STMN2: variants seen among roughly 807,000 people sequenced by gnomAD.
STMN2 encodes the protein stathmin 2.
Under a neutral mutation model 24.1 loss-of-function variants are expected in STMN2, and 2 were observed. That is an observed-to-expected ratio of 0.08 (90% CI 0.03 to 0.26). STMN2 has a LOEUF of 0.26. Ranked by LOEUF, STMN2 falls within the 10% of genes least tolerant of loss-of-function variation. The pLI is 1.00. For missense variants in STMN2, 114 were observed against 213.6 expected (o/e 0.53, Z 2.91); for synonymous variants, 83 against 77.5 (o/e 1.07, Z -0.37).
chr8:79,650,644 A>T (rs1810315164), intron 3 of STMN2, among the ~76,000 whole-genome samples: 1 of 152,244 alleles, frequency 6.6e-6, no homozygotes, highest in Non-Finnish European at 1.5e-5. Context: ...AGTTATGGGC[A>T]GCAATATCTA....
rs754095088 is a variant in STMN2 at position 79,624,242 on chromosome 8, C to CAGG, written c.20-12557_20-12555dup. Reference sequence around the variant, plus strand: ...GGCCGAGGCGGGCGGATCACGAGGTCAGGAGATCGAGACCATCCTGGCTAA... The same window carrying CAGG: ...GGCCGAGGCGGGCGGATCACGAGGTCAGGAGGAGATCGAGACCATCCTGGCTAA... On this transcript the variant is annotated intron_variant, in intron 1 of 4. Coordinates refer to ENST00000220876, the MANE Select transcript of STMN2 (RefSeq NM_007029.4). Among the ~76,000 whole-genome samples, 62 of 151,964 alleles carry CAGG rather than the reference C, an allele frequency of 4.1e-4. 1 individual carries two copies. The highest frequency in any genetic ancestry group is 2.5e-3 in the South Asian group (12 of 4,812).
At chr8:79,643,941 G>A (rs373972811) in intron 3 of STMN2, among the ~76,000 whole-genome samples, 3 of 151,074 alleles carry the variant, frequency 2.0e-5, no homozygotes, top group East Asian at 2.0e-4. Flanking sequence ...CCTAGTGGTC[G>A]GGTTTTATTT....
chr8:79,617,717 A>G (rs1355220313), intron 1 of STMN2, among the ~76,000 whole-genome samples: 1 of 152,254 alleles, frequency 6.6e-6, no homozygotes, highest in Non-Finnish European at 1.5e-5. Context: ...GCCTCGAGCC[A>G]ATAAGTCTTC....
At chr8:79,653,285 G>A (rs1380917759) in intron 3 of STMN2, among the ~76,000 whole-genome samples, 2 of 152,148 alleles carry the variant, frequency 1.3e-5, no homozygotes, top group East Asian at 1.9e-4. Context: ...GCTGAGACAT[G>A]AGAATCGCTT....
At chr8:79,640,308 T>C (rs553051743) in intron 2 of STMN2, among the ~76,000 whole-genome samples, 7 of 152,318 alleles carry the variant, frequency 4.6e-5, no homozygotes, top group African/African-American at 1.2e-4. Flanking sequence ...AATTCTACTC[T>C]GCTTCCGTGA....
intron 2 of STMN2, among the ~76,000 whole-genome samples, chr8:79,637,395 G>A (rs1263471817): frequency 6.6e-6 from 1 of 152,062 alleles, no homozygotes; most frequent in Non-Finnish European, 1.5e-5. Context: ...TTACGACTGA[G>A]GCCCTAGATA....
At chr8:79,625,041 G>A (rs1284785960) in intron 1 of STMN2, among the ~76,000 whole-genome samples, 1 of 152,162 alleles carries the variant, frequency 6.6e-6, no homozygotes, top group African/African-American at 2.4e-5. Flanking sequence ...TGACAGGAAA[G>A]AAGCCATGGA....
chr8:79,616,076 T>A (rs1437281163), intron 1 of STMN2, among the ~76,000 whole-genome samples: 2 of 152,224 alleles, frequency 1.3e-5, no homozygotes, highest in Non-Finnish European at 2.9e-5. Flanking sequence ...TATCAGAGTC[T>A]CCACCTGCAG....
At chr8:79,646,463 A>C (rs1048261967) in intron 3 of STMN2, among the ~76,000 whole-genome samples, 4 of 151,816 alleles carry the variant, frequency 2.6e-5, no homozygotes, top group African/African-American at 7.2e-5. Flanking sequence ...TCAAAAAAAA[A>C]CCTCTTGAAT....
intron 1 of STMN2, among the ~76,000 whole-genome samples, chr8:79,619,811 G>A (rs1383006265): frequency 1.3e-5 from 2 of 151,988 alleles, no homozygotes; most frequent in Non-Finnish European, 2.9e-5. Flanking sequence ...TACCAAAGTT[G>A]TTCTAGTCTT....
rs753660406 is a variant in STMN2, at chr8:79,611,261, C to T, written c.19+47C>T. 29 of 1,608,898 alleles carry T rather than the reference C, an allele frequency of 1.8e-5. No individual in the cohort carries two copies. In the South Asian group the frequency reaches 2.6e-4, roughly 15 times the overall value. On this transcript the variant is annotated intron_variant, in intron 1 of 4. Transcript: ENST00000220876. The stretch of plus-strand genomic sequence containing the variant: ...TCCGTCGGCTCTACCTGGAGCCCAC[C>T]TCTCACCTCCTCTCTTGAGCTCTAG...
intron 4 of STMN2, among the ~76,000 whole-genome samples, chr8:79,655,377 T>C (rs982798506): frequency 1.3e-5 from 2 of 152,104 alleles, no homozygotes; most frequent in South Asian, 2.1e-4. Flanking sequence ...GTAGGAAAAA[T>C]GTTACACTGG....
chr8:79,637,212 T>C (rs1015854295), intron 2 of STMN2, among the ~76,000 whole-genome samples: 1 of 152,212 alleles, frequency 6.6e-6, no homozygotes, highest in Non-Finnish European at 1.5e-5. Context: ...AAGCCATAAT[T>C]GGAGTAGATC....
chr8:79,645,667 C>T (rs1233409022), intron 3 of STMN2, among the ~76,000 whole-genome samples: 1 of 138,106 alleles, frequency 7.2e-6, no homozygotes, highest in African/African-American at 2.5e-5. Context: ...AGAACTAATG[C>T]AAGTGTGAAG....
intron 4 of STMN2, 90 bp from the exon 5 acceptor site, chr8:79,664,725 A>C: frequency 1.6e-6 from 2 of 1,274,876 alleles, no homozygotes; most frequent in Non-Finnish European, 2.1e-6. Flanking sequence ...AGTAGACACC[A>C]AACTGGGTTA....
intron 3 of STMN2, among the ~76,000 whole-genome samples, chr8:79,653,872 C>A (rs1810389902): frequency 6.6e-6 from 1 of 152,090 alleles, no homozygotes; most frequent in African/African-American, 2.4e-5. Context: ...TTGGGTGGGA[C>A]TTTTCTCAGC....
intron 4 of STMN2, among the ~76,000 whole-genome samples, chr8:79,659,443 A>G (rs1468678300): frequency 1.3e-5 from 2 of 152,166 alleles, no homozygotes; most frequent in African/African-American, 4.8e-5. Context: ...ACATACAGGA[A>G]TGATTCAAGA....
At chr8:79,641,624 G>GCACTCACACACA in intron 3 of STMN2, 74 bp downstream of exon 3, 1 of 476,326 alleles carries the variant, frequency 2.1e-6, no homozygotes, top group Non-Finnish European at 3.4e-6. Context: ...GGGCACACAT[G>GCACTCACACACA]CACGCACACA....
At chr8:79,627,107 T>G in intron 1 of STMN2, among the ~76,000 whole-genome samples, 1 of 152,168 alleles carries the variant, frequency 6.6e-6, no homozygotes, top group Non-Finnish European at 1.5e-5. Flanking sequence ...CCTATTAATA[T>G]TTTGTAAAAT....
Sources: gnomAD v4.1 joint callset for allele counts (sites outside exome capture counted in the v4.1 genomes callset) on GRCh38, gnomAD v4.1.1 for gene constraint, MANE v1.5 for transcripts, NCBI Gene and HGNC (gene_info 2026-07-23, HGNC 2026-07-21) for gene names.